The following PRKAR1B variants were observed in gnomAD, a reference collection of about 807,000 sequenced individuals.
PRKAR1B encodes the protein cAMP-dependent protein kinase type I-beta regulatory subunit.
In PRKAR1B, 22 loss-of-function variants were observed where a neutral mutation model predicts 46.5. The ratio of observed to expected loss-of-function variants is 0.47; its 90% CI spans 0.34 to 0.68. The LOEUF (loss-of-function observed/expected upper bound fraction) is 0.68. PRKAR1B is among the 30% of genes least tolerant of loss of function. The pLI, the probability that PRKAR1B is intolerant of heterozygous loss-of-function variation, is 0.01. For synonymous variants in PRKAR1B, 259 were observed against 217.7 expected, an observed-to-expected ratio of 1.19 and a Z score of -1.67; for missense variants, 445 against 535.6, an observed-to-expected ratio of 0.83 and a Z score of 1.67.
chr7:604,666 G>A (rs1282584146), intron 6 of PRKAR1B, among the ~76,000 whole-genome samples: 7 of 152,202 alleles, frequency 4.6e-5, no homozygotes, highest in Admixed American at 6.5e-5. Flanking sequence ...GAAACACAGC[G>A]CGATGGGGGA....
chr7:722,598 C>T (rs1436958461), intron 1 of PRKAR1B, among the ~76,000 whole-genome samples: 1 of 151,980 alleles, frequency 6.6e-6, no homozygotes, highest in Non-Finnish European at 1.5e-5. Context: ...TTTCAAACTC[C>T]TGACCTCAGG....
At chr7:572,820 G>A (rs1779601769) in intron 9 of PRKAR1B, among the ~76,000 whole-genome samples, 4 of 152,236 alleles carry the variant, frequency 2.6e-5, no homozygotes, top group Admixed American at 2.6e-4. Context: ...CAGGGCATCT[G>A]CGACCCACCA....
At chr7:709,990 G>A (rs1478652389) in intron 2 of PRKAR1B, among the ~76,000 whole-genome samples, 1 of 152,142 alleles carries the variant, frequency 6.6e-6, no homozygotes, top group African/African-American at 2.4e-5. Context: ...CGGTGGAGAG[G>A]ACTACAGAGC....
intron 8 of PRKAR1B, among the ~76,000 whole-genome samples, chr7:580,617 C>A (rs550711855): frequency 6.6e-6 from 1 of 152,038 alleles, no homozygotes; most frequent in South Asian, 2.1e-4. Flanking sequence ...GTTATCTTTC[C>A]GCCCTTCTCA....
intron 2 of PRKAR1B, among the ~76,000 whole-genome samples, chr7:702,849 C>T (rs570603161): frequency 1.3e-5 from 2 of 151,524 alleles, no homozygotes; most frequent in Non-Finnish European, 2.9e-5. Flanking sequence ...TAAATAAATA[C>T]ATAAATAAAT....
chr7:691,372 C>T (rs1251598564), intron 2 of PRKAR1B, among the ~76,000 whole-genome samples: 2 of 152,358 alleles, frequency 1.3e-5, no homozygotes, highest in East Asian at 1.9e-4. Context: ...GATATCTCCT[C>T]TAAAAGCAGT....
intron 4 of PRKAR1B, among the ~76,000 whole-genome samples, chr7:640,309 A>G (rs1784319571): frequency 6.6e-6 from 1 of 152,252 alleles, no homozygotes; most frequent in African/African-American, 2.4e-5. Context: ...TGTATCCAGA[A>G]CATATAAAGA....
intron 7 of PRKAR1B, among the ~76,000 whole-genome samples, chr7:588,636 GTGA>G (rs1780760487): frequency 7.0e-6 from 1 of 143,316 alleles, no homozygotes; most frequent in African/African-American, 2.7e-5. Flanking sequence ...GGTGGTGATG[GTGA>G]TGGTGGTGAT....
rs559330428 is a variant in PRKAR1B, at chr7:679,896, C to T, written c.348+660G>A. Among the ~76,000 whole-genome samples, 4 of 152,242 alleles carry T rather than the reference C, an allele frequency of 2.6e-5. No individual in the cohort carries two copies. In the South Asian group the frequency reaches 6.2e-4, roughly 24 times the overall value. On this transcript the variant is annotated intron_variant, in intron 3 of 10. Coordinates refer to ENST00000537384, the MANE Select transcript of PRKAR1B (RefSeq NM_001164760.2). ...CAGAGATGCTGGGCATGGTGGCTCA[C>T]GCCCGTAACCCCAGCACTTTGGGAG...
chr7:715,519 A>C (rs1204812699), intron 1 of PRKAR1B, among the ~76,000 whole-genome samples: 1 of 152,106 alleles, frequency 6.6e-6, no homozygotes, highest in African/African-American at 2.4e-5. Context: ...TTACCCATTC[A>C]GAAGTCCCAG....
intron 6 of PRKAR1B, among the ~76,000 whole-genome samples, chr7:599,169 C>T (rs573883780): frequency 2.6e-5 from 4 of 152,336 alleles, no homozygotes; most frequent in East Asian, 3.9e-4. Context: ...TGTGCTCGGC[C>T]GCCCGGAGGA....
chr7:573,067 C>T (rs1779616618), intron 9 of PRKAR1B, among the ~76,000 whole-genome samples: 1 of 152,150 alleles, frequency 6.6e-6, no homozygotes, highest in Admixed American at 6.5e-5. Context: ...GGTGGCCGCC[C>T]TGGACGTGCG....
intron 4 of PRKAR1B, among the ~76,000 whole-genome samples, chr7:656,088 G>A (rs1471493381): frequency 2.0e-5 from 3 of 152,218 alleles, no homozygotes; most frequent in African/African-American, 7.2e-5. Flanking sequence ...ACATCTGTGA[G>A]CACGATTTCC....
chr7:583,441 G>GCACACACC (rs1173283020), intron 8 of PRKAR1B, among the ~76,000 whole-genome samples: 12 of 124,844 alleles, frequency 9.6e-5, no homozygotes, highest in African/African-American at 3.6e-4. Flanking sequence ...CACCCACAGT[G>GCACACACC]CACACTCACA....
chr7:669,152 G>C (rs1271342441), intron 4 of PRKAR1B, among the ~76,000 whole-genome samples: 1 of 152,222 alleles, frequency 6.6e-6, no homozygotes, highest in Non-Finnish European at 1.5e-5. Context: ...CCTGAAAAAG[G>C]AAGAGAGCAT....
chr7:566,005 A>T (rs112428520), intron 9 of PRKAR1B, among the ~76,000 whole-genome samples: 1 of 152,186 alleles, frequency 6.6e-6, no homozygotes, highest in Non-Finnish European at 1.5e-5. Context: ...TTTTCCTCTC[A>T]GTGCATTTTC....
intron 2 of PRKAR1B, among the ~76,000 whole-genome samples, chr7:682,805 G>A (rs1778768241): frequency 6.6e-6 from 1 of 152,136 alleles, no homozygotes; most frequent in Admixed American, 6.5e-5. Flanking sequence ...GATATGAATG[G>A]CTCTGTGTGC....
At chr7:572,233 G>C (rs563303346) in intron 9 of PRKAR1B, among the ~76,000 whole-genome samples, 1 of 152,316 alleles carries the variant, frequency 6.6e-6, no homozygotes, top group East Asian at 1.9e-4. Flanking sequence ...CAGCTCCCAA[G>C]GTTCACAACC....
intron 2 of PRKAR1B, among the ~76,000 whole-genome samples, chr7:704,793 C>T (rs983349812): frequency 5.9e-5 from 9 of 151,914 alleles, no homozygotes; most frequent in Admixed American, 5.9e-4. Context: ...AATAAACAAG[C>T]CACATACTAG....
Sources: allele counts gnomAD v4.1 joint callset (sites outside exome capture counted in the v4.1 genomes callset), GRCh38; gene constraint gnomAD v4.1.1; transcripts MANE v1.5; gene names NCBI Gene and HGNC (gene_info 2026-07-23, HGNC 2026-07-21).